GPC6: variants seen among roughly 807,000 people sequenced by gnomAD.
GPC6 encodes the protein glypican-6.
GPC6 carries 14 observed loss-of-function variants against 55.2 expected under a neutral mutation model. The observed-to-expected ratio is 0.25, with a 90% CI of 0.17 to 0.40. The LOEUF (loss-of-function observed/expected upper bound fraction) is 0.40. GPC6 is among the 10% of genes least tolerant of loss of function. The pLI, the probability that GPC6 is intolerant of heterozygous loss-of-function variation, is 1.00. For missense variants in GPC6, 641 were observed against 708.5 expected, an observed-to-expected ratio of 0.90 and a Z score of 1.08; for synonymous variants, 278 against 259.6, an observed-to-expected ratio of 1.07 and a Z score of -0.68.
intron 1 of GPC6, among the ~76,000 whole-genome samples, chr13:93,360,342 G>T (rs1881001079): frequency 6.6e-6 from 1 of 152,170 alleles, no homozygotes; most frequent in Admixed American, 6.5e-5. Context: ...AGGAGTCAGA[G>T]GTGGCAGAAC....
chr13:93,366,183 G>A (rs952110021), intron 1 of GPC6, among the ~76,000 whole-genome samples: 4 of 151,984 alleles, frequency 2.6e-5, no homozygotes, highest in African/African-American at 9.7e-5. Context: ...TTCTTTAGTA[G>A]GGCATTGTAT....
At chr13:93,758,558 A>G (rs1884854616) in intron 2 of GPC6, among the ~76,000 whole-genome samples, 1 of 152,130 alleles carries the variant, frequency 6.6e-6, no homozygotes, top group South Asian at 2.1e-4. Flanking sequence ...GATAATTTAT[A>G]TAGTTTATGA....
Position 94,407,232 on chromosome 13 carries a change from G to T in GPC6, c.*4015G>T, listed in dbSNP as rs1160326061. On this transcript the variant is annotated 3_prime_UTR_variant, in exon 9 of 9. Transcript: ENST00000377047. ...ACCCCTAACAATGGCATAATAGTGA[G>T]GTCTCTCTGTGCATATACATAATAT... is the stretch of plus-strand genomic sequence containing the variant. 1.3e-5 allele frequency: 2 copies of T among 151,966 alleles called. No homozygotes were observed. The highest frequency in any genetic ancestry group is 2.9e-5 in the Non-Finnish European group (2 of 67,948). 9.4% of individuals were successfully genotyped at this position (151,966 alleles called of 1,614,324 possible).
intron 1 of GPC6, among the ~76,000 whole-genome samples, chr13:93,487,059 C>CA (rs1243061269): frequency 6.6e-6 from 1 of 152,088 alleles, no homozygotes; most frequent in African/African-American, 2.4e-5. Context: ...ACACTTACAG[C>CA]AGGGCTGATA....
chr13:93,414,927 T>C (rs1478134205), intron 1 of GPC6, among the ~76,000 whole-genome samples: 1 of 152,078 alleles, frequency 6.6e-6, no homozygotes, highest in Non-Finnish European at 1.5e-5. Context: ...GAACACAAGG[T>C]TGAAGTAGAA....
chr13:93,639,788 C>A (rs558485968), intron 2 of GPC6, among the ~76,000 whole-genome samples: 4 of 152,088 alleles, frequency 2.6e-5, no homozygotes, highest in African/African-American at 9.7e-5. Flanking sequence ...AAGCCGAGAA[C>A]ATTGGTAAAC....
chr13:93,320,441 ATAATAT>A (rs1323496326), intron 1 of GPC6, among the ~76,000 whole-genome samples: 1 of 152,016 alleles, frequency 6.6e-6, no homozygotes, highest in Admixed American at 6.6e-5. Context: ...AGAAAAACAA[ATAATAT>A]TAGTAAACTA....
intron 1 of GPC6, among the ~76,000 whole-genome samples, chr13:93,231,786 A>G (rs1876072867): frequency 6.6e-6 from 1 of 152,046 alleles, no homozygotes; most frequent in South Asian, 2.1e-4. Flanking sequence ...TTATCTCCAC[A>G]GATTAGAAAA....
At chr13:93,531,244 A>G (rs1289007317) in intron 1 of GPC6, among the ~76,000 whole-genome samples, 1 of 150,758 alleles carries the variant, frequency 6.6e-6, no homozygotes, top group Non-Finnish European at 1.5e-5. Context: ...AAGAACATAT[A>G]TATTTTACAT....
chr13:93,558,380 G>A (rs369397152), intron 2 of GPC6, among the ~76,000 whole-genome samples: 11 of 152,240 alleles, frequency 7.2e-5, no homozygotes, highest in South Asian at 4.1e-4. Flanking sequence ...TCGGTACCAT[G>A]AATTAAAATG....
intron 2 of GPC6, among the ~76,000 whole-genome samples, chr13:93,802,142 A>G (rs999935659): frequency 6.6e-6 from 1 of 152,208 alleles, no homozygotes; most frequent in Non-Finnish European, 1.5e-5. Flanking sequence ...AGTAGATAAT[A>G]TAAAAGAGAA....
intron 4 of GPC6, among the ~76,000 whole-genome samples, chr13:94,133,283 A>C (rs1046973184): frequency 1.1e-4 from 17 of 151,756 alleles, no homozygotes; most frequent in South Asian, 6.2e-4. Flanking sequence ...AAAAAAAAAA[A>C]AAAAAAAAAC....
chr13:93,649,836 G>A (rs561671461), intron 2 of GPC6, among the ~76,000 whole-genome samples: 2 of 152,180 alleles, frequency 1.3e-5, no homozygotes, highest in East Asian at 1.9e-4. Context: ...CCTGTCATGT[G>A]GCTAAAACAC....
chr13:93,555,051 G>A (rs923706497), intron 2 of GPC6, among the ~76,000 whole-genome samples: 2 of 152,090 alleles, frequency 1.3e-5, no homozygotes, highest in African/African-American at 2.4e-5. Context: ...GCAGGAAATC[G>A]GGGCTCCAAG....
At chr13:93,644,764 G>A (rs1386642282) in intron 2 of GPC6, among the ~76,000 whole-genome samples, 1 of 117,058 alleles carries the variant, frequency 8.5e-6, no homozygotes, top group African/African-American at 3.4e-5. Context: ...TTGCCATCAA[G>A]AGTAAATAAA....
At chr13:93,228,568 G>A (rs1875900720) in intron 1 of GPC6, among the ~76,000 whole-genome samples, 1 of 152,178 alleles carries the variant, frequency 6.6e-6, no homozygotes, top group Non-Finnish European at 1.5e-5. Flanking sequence ...TTGTTTTCCG[G>A]CTCTTAGCTC....
At chr13:93,929,145 A>G (rs1049999021) in intron 3 of GPC6, among the ~76,000 whole-genome samples, 7 of 152,128 alleles carry the variant, frequency 4.6e-5, no homozygotes, top group African/African-American at 1.4e-4. Flanking sequence ...CATGATTCAT[A>G]CCTGGCCCTT....
chr13:94,085,777 T>C (rs1226327855), intron 4 of GPC6, among the ~76,000 whole-genome samples: 2 of 130,714 alleles, frequency 1.5e-5, no homozygotes, highest in African/African-American at 5.7e-5. Flanking sequence ...ATCTTTAACG[T>C]ATGTCTGAAA....
rs1014263190 is a variant in GPC6, at chr13:94,290,389, C to G, written c.1008+3910C>G. 1.4e-4 allele frequency among the ~76,000 whole-genome samples: 20 copies of G among 146,544 alleles called. No individual in the cohort carries two copies. The East Asian group carries it at 3.4e-3, about 25-fold the overall frequency. On this transcript the variant is annotated intron_variant, in intron 5 of 8. Coordinates refer to ENST00000377047, the MANE Select transcript of GPC6 (RefSeq NM_005708.5). Reference sequence around the variant, plus strand: ...TGAGCTATGATTATGCCATTGCACTCCAACCTGGGCGACAGGATGAGACTC... The same window carrying G: ...TGAGCTATGATTATGCCATTGCACTGCAACCTGGGCGACAGGATGAGACTC...
Sources: gnomAD v4.1 joint callset for allele counts (sites outside exome capture counted in the v4.1 genomes callset) on GRCh38, gnomAD v4.1.1 for gene constraint, MANE v1.5 for transcripts, NCBI Gene and HGNC (gene_info 2026-07-23, HGNC 2026-07-21) for gene names.